Variants in GSN observed in about 807,000 individuals in gnomAD.
GSN encodes the protein gelsolin, also known as actin-depolymerizing factor.
Under a neutral mutation model 85.7 loss-of-function variants are expected in GSN, and 56 were observed. The ratio of observed to expected loss-of-function variants is 0.65; its 90% CI spans 0.53 to 0.82. The LOEUF (loss-of-function observed/expected upper bound fraction) is 0.82. GSN is among the 40% of genes least tolerant of loss of function. The pLI, the probability that GSN is intolerant of heterozygous loss-of-function variation, is 0.00. For missense variants in GSN, 857 were observed against 979.8 expected (o/e 0.87, Z 1.67); for synonymous variants, 373 against 399.1 (o/e 0.93, Z 0.78).
At chr9:121,220,820 G>A (rs1020341088) in intron 4 of GSN, among the ~76,000 whole-genome samples, 16 of 152,080 alleles carry the variant, frequency 1.1e-4, no homozygotes, top group African/African-American at 1.9e-4. Flanking sequence ...GAACTTAATC[G>A]CGTTGTTTTG....
chr9:121,201,707 G>A, the GSN span: 1 of 152,736 alleles, frequency 6.5e-6, no homozygotes, highest in Middle Eastern at 3.4e-3. Context: ...GAACAGGAGT[G>A]CGGACGCAGC....
intron 1 of GSN, among the ~76,000 whole-genome samples, chr9:121,275,906 A>G (rs2056606388): frequency 6.6e-6 from 1 of 152,250 alleles, no homozygotes; most frequent in Non-Finnish European, 1.5e-5. Flanking sequence ...GTGCCAGTTA[A>G]GCATGAGTAT....
chr9:121,276,970 G>A (rs1013315207), intron 1 of GSN, among the ~76,000 whole-genome samples: 2 of 152,124 alleles, frequency 1.3e-5, no homozygotes, highest in African/African-American at 4.8e-5. Context: ...GAAACCTGGT[G>A]GTGGTCATAC....
intron 4 of GSN, among the ~76,000 whole-genome samples, chr9:121,303,844 A>C (rs2060143253): frequency 6.6e-6 from 1 of 152,212 alleles, no homozygotes. Context: ...AGGATAGAGA[A>C]GGGGATCACA....
intron 5 of GSN, among the ~76,000 whole-genome samples, chr9:121,246,849 G>A (rs114229528): frequency 0.014 from 2,089 of 152,236 alleles, 53 homozygotes; most frequent in African/African-American, 0.048. Flanking sequence ...TGATTGGTCC[G>A]GAAGCTGAGA....
intron 5 of GSN, among the ~76,000 whole-genome samples, chr9:121,241,793 A>C (rs180719256): frequency 2.0e-5 from 3 of 152,330 alleles, no homozygotes. Flanking sequence ...TGAAGGAGAG[A>C]AAAAAGCTAA....
At chr9:121,202,862 C>T (rs1396884178), upstream of GSN, among the ~76,000 whole-genome samples, 1 of 152,052 alleles carries the variant, frequency 6.6e-6, no homozygotes, top group Non-Finnish European at 1.5e-5. Context: ...CGCGGTGGCT[C>T]ACGCCTGTAA....
chr9:121,307,362 C>G (rs1029009294), intron 4 of GSN, among the ~76,000 whole-genome samples: 11 of 152,142 alleles, frequency 7.2e-5, no homozygotes, highest in African/African-American at 2.2e-4. Context: ...CCCCCCATTT[C>G]CTTGTCTCCG....
intron 6 of GSN, among the ~76,000 whole-genome samples, chr9:121,248,848 A>G: frequency 6.6e-6 from 1 of 152,160 alleles, no homozygotes; most frequent in East Asian, 1.9e-4. Context: ...GGCTGGTGCT[A>G]GATCAAGGAA....
At position 121,293,488 on chromosome 9, in the gene GSN, C is replaced by G. The variant is rs2058896004; in HGVS notation, c.-9-8475C>G. ...AATAGGCCGGGCGCGGTGGTTCACA[C>G]CTGTAATCCTAGCACTCTGGGAGGC... On this transcript the variant is annotated intron_variant, in intron 2 of 17. Coordinates refer to ENST00000432226, the MANE Select transcript of GSN (RefSeq NM_198252.3). 2.0e-5 allele frequency among the ~76,000 whole-genome samples: 3 copies of G among 151,884 alleles called. No homozygotes were observed. The South Asian group carries it at 6.2e-4, about 32-fold the overall frequency.
At chr9:121,269,047 C>T (rs372086561) in intron 1 of GSN, among the ~76,000 whole-genome samples, 1 of 152,298 alleles carries the variant, frequency 6.6e-6, no homozygotes, top group South Asian at 2.1e-4. Context: ...ACATCTGTCG[C>T]TTTATCCTGT....
intron 2 of GSN, among the ~76,000 whole-genome samples, chr9:121,300,620 G>C (rs1302883723): frequency 6.6e-6 from 1 of 151,882 alleles, no homozygotes; most frequent in Admixed American, 6.6e-5. Flanking sequence ...TTTTGTCCTC[G>C]ACTCCAGCCT....
At chr9:121,286,643 G>C in intron 2 of GSN, 1 of 1,532,768 alleles carries the variant, frequency 6.5e-7, no homozygotes, top group East Asian at 2.4e-5. Flanking sequence ...TCCTGTTTGT[G>C]TGCCCTCTGG....
chr9:121,321,357 C>A lies in GSN; in HGVS notation c.1281C>A (p.Tyr427Ter). ...GAGGCGACAGCTACATCATTCTGTA[C>A]AACTACCGCCATGGTGGCCGCCAGG... The part of the protein sequence containing the change: ...FYGGDSYIIL[Y>*]NYRHGGRQGQ... The change falls in exon 11 of 18, where the codon TAC becomes TAA. Residue 427 changes from tyrosine to a stop codon, truncating the protein, a stop_gained. Transcript: ENST00000432226. LOFTEE classifies it high-confidence loss of function. 7 of 1,614,012 alleles carry A rather than the reference C, an allele frequency of 4.3e-6. No individual in the cohort carries two copies. The highest frequency in any genetic ancestry group is 5.9e-6 in the Non-Finnish European group (7 of 1,179,896).
At position 121,285,967 on chromosome 9, in the gene GSN, T is replaced by C. The variant is rs925302035; in HGVS notation, c.-10+4405T>C. 2.0e-5 allele frequency: 4 copies of C among 197,488 alleles called. No individual in the cohort carries two copies. The Admixed American group carries it at 2.6e-4, about 13-fold the overall frequency. The allele number at this position is 197,488 out of a possible 1,614,324, so 12.2% of individuals were successfully genotyped here. A position where few individuals can be genotyped will look rare whatever the true frequency, so the allele number is the denominator to read the frequency against. On this transcript the variant is annotated intron_variant, in intron 2 of 17. Transcript: ENST00000432226. ...TGAACAATAGTTTCCTGAGGAAGTG[T>C]TGGGTTTTAATTGTGTTGAGGAGAA...
chr9:121,321,883 A>G (rs930613791), intron 11 of GSN, among the ~76,000 whole-genome samples: 5 of 152,064 alleles, frequency 3.3e-5, no homozygotes, highest in Non-Finnish European at 5.9e-5. Context: ...CTGGGATTAC[A>G]GGCACCCACC....
intron 2 of GSN, among the ~76,000 whole-genome samples, chr9:121,290,671 A>G (rs1453593195): frequency 6.6e-6 from 1 of 152,214 alleles, no homozygotes; most frequent in Non-Finnish European, 1.5e-5. Context: ...GCTGGCACAA[A>G]AGTAATTGCA....
chr9:121,240,328 T>A (rs2054579070), intron 5 of GSN, among the ~76,000 whole-genome samples: 1 of 152,180 alleles, frequency 6.6e-6, no homozygotes, highest in South Asian at 2.1e-4. Context: ...ATTCAACTCA[T>A]AACAATTCAA....
chr9:121,321,255 T>G lies in GSN; in HGVS notation c.1192-13T>G. 1.9e-6 allele frequency: 3 copies of G among 1,613,824 alleles called. No individual in the cohort carries two copies. The highest frequency in any genetic ancestry group is 2.5e-6 in the Non-Finnish European group (3 of 1,179,960). ...GTGCTGCACAGCATCTGACTCCAGC[T>G]TTGCTCCTGCAGATCTGGAGAATCG... On this transcript the variant is annotated splice_polypyrimidine_tract_variant and intron_variant, in intron 10 of 17. Coordinates refer to ENST00000432226, the MANE Select transcript of GSN (RefSeq NM_198252.3).
Sources: gnomAD v4.1 joint callset for allele counts (sites outside exome capture counted in the v4.1 genomes callset) on GRCh38, gnomAD v4.1.1 for gene constraint, MANE v1.5 for transcripts, NCBI Gene and HGNC (gene_info 2026-07-23, HGNC 2026-07-21) for gene names.